The following ZNF804A variants were observed in gnomAD, a reference collection of about 807,000 sequenced individuals.
The protein encoded by ZNF804A is zinc finger protein 804A.
A neutral mutation model predicts 16.5 loss-of-function variants in ZNF804A; 2 were observed. That is an observed-to-expected ratio of 0.12 (90% CI 0.05 to 0.38). ZNF804A has a LOEUF of 0.38. Among genes scored for constraint, ZNF804A ranks in the 10% least tolerant of loss-of-function variants. The pLI is 0.99. For missense variants in ZNF804A, 1,473 were observed against 1,390.7 expected (o/e 1.06, Z -0.94); for synonymous variants, 534 against 489.6 (o/e 1.09, Z -1.20).
intron 1 of ZNF804A, among the ~76,000 whole-genome samples, chr2:184,732,363 T>C (rs1270863685): frequency 2.0e-5 from 3 of 152,134 alleles, no homozygotes; most frequent in Non-Finnish European, 4.4e-5. Flanking sequence ...GTGGGTTTAC[T>C]TCTGGACCTT....
chr2:184,719,735 A>G (rs190081502), intron 1 of ZNF804A, among the ~76,000 whole-genome samples: 20 of 152,066 alleles, frequency 1.3e-4, no homozygotes, highest in African/African-American at 4.6e-4. Flanking sequence ...AGACCACCTC[A>G]TCCTGGATTT....
rs533639307 is a variant in ZNF804A, at chr2:184,700,099, G to A, written c.111+101029G>A. On this transcript the variant is annotated intron_variant, in intron 1 of 3. Transcript: ENST00000302277. The stretch of plus-strand genomic sequence containing the variant: ...CATAGTTCTTAGAGAATATGGTAAG[G>A]TATTTGATGTAATATTATAAGAATA... 5.3e-5 allele frequency among the ~76,000 whole-genome samples: 8 copies of A among 152,158 alleles called. No homozygotes were observed. The South Asian group carries it at 1.7e-3, about 32-fold the overall frequency.
chr2:184,873,063 CT>C, intron 2 of ZNF804A, among the ~76,000 whole-genome samples: 1 of 152,150 alleles, frequency 6.6e-6, no homozygotes, highest in Middle Eastern at 3.4e-3. Context: ...TTGATCTTTT[CT>C]TCATAGAGTA....
intron 1 of ZNF804A, among the ~76,000 whole-genome samples, chr2:184,760,460 C>T (rs1210817397): frequency 6.6e-6 from 1 of 152,002 alleles, no homozygotes; most frequent in Non-Finnish European, 1.5e-5. Flanking sequence ...GATTTCTAAA[C>T]TGTGGTTTTA....
intron 1 of ZNF804A, among the ~76,000 whole-genome samples, chr2:184,675,646 T>C (rs1692410874): frequency 6.6e-6 from 1 of 151,904 alleles, no homozygotes; most frequent in African/African-American, 2.4e-5. Context: ...AATAACGCTA[T>C]TAAATAGATA....
At chr2:184,911,840 C>A (rs1303984313) in intron 2 of ZNF804A, among the ~76,000 whole-genome samples, 1 of 151,844 alleles carries the variant, frequency 6.6e-6, no homozygotes, top group African/African-American at 2.4e-5. Context: ...CATTTTATTT[C>A]TTTCTCCCTT....
chr2:184,769,611 T>C (rs1694181907), intron 1 of ZNF804A, among the ~76,000 whole-genome samples: 1 of 151,982 alleles, frequency 6.6e-6, no homozygotes, highest in Non-Finnish European at 1.5e-5. Context: ...ATGGCATCTG[T>C]ATATAGGAAA....
Position 184,886,554 on chromosome 2 carries a change from A to G in ZNF804A, c.255+20042A>G, listed in dbSNP as rs546107376. Among the ~76,000 whole-genome samples the G allele has an allele frequency of 2.0e-3, 302 of 152,320 alleles. 1 individual carries two copies. The highest frequency in any genetic ancestry group is 7.0e-3 in the African/African-American group (290 of 41,580). ...ACTGCCCTAGCAGAGGTTCTCCATG[A>G]GGGCCCTGCCCCTGTGGCAAACTTT... is the stretch of plus-strand genomic sequence containing the variant. On this transcript the variant is annotated intron_variant, in intron 2 of 3. Coordinates refer to ENST00000302277, the MANE Select transcript of ZNF804A (RefSeq NM_194250.2).
intron 1 of ZNF804A, among the ~76,000 whole-genome samples, chr2:184,855,286 C>G (rs1695668759): frequency 6.6e-6 from 1 of 151,992 alleles, no homozygotes; most frequent in South Asian, 2.1e-4. Context: ...AATATCCTAC[C>G]AGTACATTAT....
At chr2:184,680,458 T>C (rs898117987) in intron 1 of ZNF804A, among the ~76,000 whole-genome samples, 1 of 152,200 alleles carries the variant, frequency 6.6e-6, no homozygotes, top group Non-Finnish European at 1.5e-5. Context: ...CTACCCACTA[T>C]GGGTCTCCTC....
intron 2 of ZNF804A, among the ~76,000 whole-genome samples, chr2:184,916,062 A>G (rs185457209): frequency 6.6e-6 from 1 of 152,328 alleles, no homozygotes; most frequent in East Asian, 1.9e-4. Context: ...TTCAGGAAAT[A>G]GAGTTGGTGA....
Position 184,937,542 on chromosome 2 carries a change from T to G in ZNF804A, c.2146T>G (p.Leu716Val). Reference sequence around the variant, plus strand: ...AATGATACATTCTGGGAAACATAATTTAACATATTCTAGAACTTACTGTTG... The same window carrying G: ...AATGATACATTCTGGGAAACATAATGTAACATATTCTAGAACTTACTGTTG... ...ATMIHSGKHNLTYSRTYCCWK... is the reference protein window; with the variant it reads ...ATMIHSGKHNVTYSRTYCCWK... Residue 716 changes from leucine (L) to valine (V), a missense_variant, in exon 4 of 4, where the codon TTA becomes GTA. Coordinates refer to ENST00000302277, the MANE Select transcript of ZNF804A (RefSeq NM_194250.2). 1 of 1,612,580 alleles carries G rather than the reference T, an allele frequency of 6.2e-7. No individual in the cohort carries two copies. The highest frequency in any genetic ancestry group is 8.5e-7 in the Non-Finnish European group (1 of 1,179,566).
chr2:184,703,689 CAAAAAAA>C (rs10593157), intron 1 of ZNF804A, among the ~76,000 whole-genome samples: 45 of 56,466 alleles, frequency 8.0e-4, no homozygotes, highest in African/African-American at 2.8e-3. Flanking sequence ...GACTCCGGTT[CAAAAAAA>C]AAAAAAAAAA....
chr2:184,709,645 G>T (rs1457392183), intron 1 of ZNF804A, among the ~76,000 whole-genome samples: 4 of 151,522 alleles, frequency 2.6e-5, no homozygotes, highest in Non-Finnish European at 5.9e-5. Context: ...AATCTAAAAA[G>T]AATTATTTTA....
At chr2:184,752,525 T>G (rs1314142445) in intron 1 of ZNF804A, among the ~76,000 whole-genome samples, 3 of 151,482 alleles carry the variant, frequency 2.0e-5, no homozygotes, top group Non-Finnish European at 4.4e-5. Context: ...GTTTATCAGG[T>G]ACAATGTTCA....
intron 2 of ZNF804A, among the ~76,000 whole-genome samples, chr2:184,908,537 G>A (rs1041288459): frequency 1.3e-5 from 2 of 152,078 alleles, no homozygotes; most frequent in Non-Finnish European, 1.5e-5. Context: ...GAACATTTAA[G>A]GGGAACATTA....
At chr2:184,895,379 T>G (rs1685048886) in intron 2 of ZNF804A, among the ~76,000 whole-genome samples, 1 of 152,234 alleles carries the variant, frequency 6.6e-6, no homozygotes, top group South Asian at 2.1e-4. Context: ...AAGAAGCATT[T>G]TAAGATGGAA....
chr2:184,865,820 A>G (rs532132959), intron 1 of ZNF804A, among the ~76,000 whole-genome samples: 1 of 152,302 alleles, frequency 6.6e-6, no homozygotes, highest in South Asian at 2.1e-4. Context: ...AGATTATTTT[A>G]ATGTTCATTC....
At chr2:184,801,508 T>C (rs562750347) in intron 1 of ZNF804A, among the ~76,000 whole-genome samples, 2 of 152,290 alleles carry the variant, frequency 1.3e-5, no homozygotes, top group South Asian at 4.1e-4. Flanking sequence ...TTTTGCAATT[T>C]CATTTGGTAA....
Sources: allele counts gnomAD v4.1 joint callset (sites outside exome capture counted in the v4.1 genomes callset), GRCh38; gene constraint gnomAD v4.1.1; transcripts MANE v1.5; gene names NCBI Gene and HGNC (gene_info 2026-07-23, HGNC 2026-07-21).